GFPT1: variants seen among roughly 807,000 people sequenced by gnomAD.
GFPT1 encodes the protein glutamine--fructose-6-phosphate aminotransferase [isomerizing] 1.
A neutral mutation model predicts 92.0 loss-of-function variants in GFPT1; 40 were observed. The observed-to-expected ratio is 0.43, with a 90% CI of 0.34 to 0.57. GFPT1 has a LOEUF of 0.57. Ranked by LOEUF, GFPT1 falls within the 20% of genes least tolerant of loss-of-function variation. The pLI is 0.02. For missense variants in GFPT1, 448 were observed against 869.1 expected, an observed-to-expected ratio of 0.52 and a Z score of 6.09; for synonymous variants, 269 against 280.6, an observed-to-expected ratio of 0.96 and a Z score of 0.41.
At chr2:69,380,736 T>C (rs1002918951) in intron 1 of GFPT1, among the ~76,000 whole-genome samples, 2 of 152,180 alleles carry the variant, frequency 1.3e-5, no homozygotes, top group South Asian at 2.1e-4. Flanking sequence ...CTCTGACTCC[T>C]AGTCTCTGAG....
intron 18 of GFPT1, among the ~76,000 whole-genome samples, chr2:69,327,798 C>G (rs1284664818): frequency 1.3e-5 from 2 of 152,086 alleles, no homozygotes; most frequent in African/African-American, 4.8e-5. Flanking sequence ...TGACCTTGGT[C>G]TTCTTAAAGC....
chr2:69,382,628 C>T (rs907806308), intron 1 of GFPT1, among the ~76,000 whole-genome samples: 6 of 152,198 alleles, frequency 3.9e-5, no homozygotes, highest in African/African-American at 1.4e-4. Context: ...AACTCTTCTG[C>T]CTTTAACCAC....
chr2:69,342,296 G>A, intron 12 of GFPT1, 47 bp from the exon 13 acceptor site: 1 of 1,147,028 alleles, frequency 8.7e-7, no homozygotes, highest in Non-Finnish European at 1.3e-6. Flanking sequence ...AGAACCATGT[G>A]AACTAGGCAA....
In GFPT1 at chr2:69,380,268, T is replaced by C. The variant is rs191005289; in HGVS notation, c.8-6155A>G. Among the ~76,000 whole-genome samples, 721 of 151,926 alleles carry C rather than the reference T, an allele frequency of 4.7e-3. 10 individuals carry two copies. Among genetic ancestry groups the C allele is most frequent in the Admixed American group, 0.012 (180 of 15,244 alleles). On this transcript the variant is annotated intron_variant, in intron 1 of 19. Coordinates refer to ENST00000357308, the MANE Select transcript of GFPT1 (RefSeq NM_001244710.2). ...AGAAGAATCACTTGAGCCCAGGAGG[T>C]GGGGCAGAGGGTGAAGTGGGCCGAG...
chr2:69,365,515 T>C (rs1671590070), intron 3 of GFPT1, among the ~76,000 whole-genome samples: 1 of 152,146 alleles, frequency 6.6e-6, no homozygotes, highest in Admixed American at 6.5e-5. Flanking sequence ...CAATGGTATA[T>C]TCTATTGTAC....
chr2:69,363,727 A>G, intron 3 of GFPT1, 57 bp from the exon 4 acceptor site: 3 of 1,190,746 alleles, frequency 2.5e-6, no homozygotes, highest in Non-Finnish European at 3.8e-6. Flanking sequence ...AGATAATGCT[A>G]TAAGCTATAT....
At chr2:69,365,337 T>A (rs749825279) in intron 3 of GFPT1, among the ~76,000 whole-genome samples, 1 of 152,010 alleles carries the variant, frequency 6.6e-6, no homozygotes, top group Admixed American at 6.6e-5. Context: ...CTGGGCGTGG[T>A]AGCACACGCC....
rs367799658 is a variant in GFPT1 at position 69,357,679 on chromosome 2, G to C, written c.543+650C>G. Among the ~76,000 whole-genome samples the C allele has an allele frequency of 7.9e-5, 12 of 152,268 alleles. 1 individual carries two copies. In the East Asian group the frequency reaches 1.5e-3, roughly 20 times the overall value. ...AAAGGACTTTTAAGTGGGAAAGCTA[G>C]AGTTATGAGTGGGGAAGGGAAATGT... On this transcript the variant is annotated intron_variant, in intron 6 of 19. Transcript: ENST00000357308.
chr2:69,353,054 TA>T (rs1175358609), intron 9 of GFPT1, among the ~76,000 whole-genome samples: 1 of 150,882 alleles, frequency 6.6e-6, no homozygotes, highest in African/African-American at 2.4e-5. Context: ...AAAAAATAAA[TA>T]AATAAGGTAA....
intron 9 of GFPT1, among the ~76,000 whole-genome samples, chr2:69,352,422 G>A (rs1671229676): frequency 6.6e-6 from 1 of 151,682 alleles, no homozygotes; most frequent in South Asian, 2.1e-4. Context: ...AGACCAGCCT[G>A]AGCAACAGCC....
intron 2 of GFPT1, among the ~76,000 whole-genome samples, chr2:69,372,341 G>A (rs1009226877): frequency 6.6e-6 from 1 of 152,108 alleles, no homozygotes; most frequent in African/African-American, 2.4e-5. Flanking sequence ...AGGCCAGGGC[G>A]GGTGGATCTC....
intron 17 of GFPT1, 78 bp downstream of exon 17, chr2:69,329,219 C>A: frequency 7.3e-7 from 1 of 1,376,358 alleles, no homozygotes; most frequent in African/African-American, 1.4e-5. Flanking sequence ...CTATTTCATT[C>A]ATTTAATGTA....
At chr2:69,327,447 C>A (rs948401618) in intron 18 of GFPT1, among the ~76,000 whole-genome samples, 6 of 151,882 alleles carry the variant, frequency 4.0e-5, no homozygotes, top group Non-Finnish European at 7.4e-5. Flanking sequence ...TAAAATAAAA[C>A]CTAGATGTTA....
At chr2:69,349,552 C>T (rs1293818293) in intron 10 of GFPT1, among the ~76,000 whole-genome samples, 1 of 151,990 alleles carries the variant, frequency 6.6e-6, no homozygotes, top group African/African-American at 2.4e-5. Flanking sequence ...TTTATTTTAT[C>T]CTCATTACTA....
chr2:69,370,148 G>C (rs775807425), intron 2 of GFPT1, 40 bp from the exon 3 acceptor site: 9 of 1,171,516 alleles, frequency 7.7e-6, no homozygotes, highest in Middle Eastern at 1.9e-4. Context: ...TTTAGAAACT[G>C]GCTACTGATA....
intron 1 of GFPT1, among the ~76,000 whole-genome samples, 172 bp from the exon 2 acceptor site, chr2:69,374,285 C>G (rs1484841755): frequency 1.3e-5 from 2 of 151,188 alleles, no homozygotes; most frequent in Non-Finnish European, 2.9e-5. Context: ...GTATAAAAAA[C>G]TAAACATGTC....
chr2:69,382,150 C>A (rs1021393272), intron 1 of GFPT1, among the ~76,000 whole-genome samples: 3 of 152,140 alleles, frequency 2.0e-5, no homozygotes, highest in South Asian at 2.1e-4. Flanking sequence ...CAGAGGGAAC[C>A]CCACACTGGG....
At chr2:69,343,989 C>T (rs1411541653) in intron 12 of GFPT1, among the ~76,000 whole-genome samples, 2 of 152,080 alleles carry the variant, frequency 1.3e-5, no homozygotes, top group African/African-American at 4.8e-5. Context: ...CCTAGCACAT[C>T]CCTTCTCACT....
intron 1 of GFPT1, 147 bp from the exon 2 acceptor site, chr2:69,374,260 G>T: frequency 1.9e-6 from 1 of 523,690 alleles, no homozygotes; most frequent in Non-Finnish European, 3.4e-6. Context: ...TTTTTCAAGG[G>T]GGAGTTTCTC....
Sources: gnomAD v4.1 joint callset for allele counts (sites outside exome capture counted in the v4.1 genomes callset) on GRCh38, gnomAD v4.1.1 for gene constraint, MANE v1.5 for transcripts, NCBI Gene and HGNC (gene_info 2026-07-23, HGNC 2026-07-21) for gene names.